Variants in MYRFL observed in about 807,000 individuals in gnomAD.
MYRFL encodes myelin regulatory factor-like protein.
Under a neutral mutation model 109.4 loss-of-function variants are expected in MYRFL, and 88 were observed. That is an observed-to-expected ratio of 0.80 (90% CI 0.68 to 0.96). The LOEUF is 0.96. Ranked by LOEUF, MYRFL falls within the 40% of genes least tolerant of loss-of-function variation. The pLI is 0.00. For missense variants in MYRFL, 957 were observed against 954.9 expected (o/e 1.00, Z -0.03); for synonymous variants, 324 against 320.9 (o/e 1.01, Z -0.10).
At chr12:69,951,723 T>A (rs537592887) in intron 19 of MYRFL, among the ~76,000 whole-genome samples, 1 of 152,216 alleles carries the variant, frequency 6.6e-6, no homozygotes, top group Non-Finnish European at 1.5e-5. Flanking sequence ...CCACCATGCC[T>A]GGCTCCTAAT....
chr12:69,928,832 A>T (rs1455749219), intron 15 of MYRFL, among the ~76,000 whole-genome samples: 1 of 152,240 alleles, frequency 6.6e-6, no homozygotes, highest in African/African-American at 2.4e-5. Context: ...AATGTAGGAA[A>T]GGTACCCTTT....
At chr12:69,859,145 CG>C (rs1884484186) in intron 2 of MYRFL, among the ~76,000 whole-genome samples, 1 of 151,896 alleles carries the variant, frequency 6.6e-6, no homozygotes, top group South Asian at 2.1e-4. Context: ...AACTTCCAAA[CG>C]TTTGGAAATT....
chr12:69,872,354 C>T (rs1257167071), intron 2 of MYRFL, among the ~76,000 whole-genome samples: 31 of 152,270 alleles, frequency 2.0e-4, no homozygotes, highest in Non-Finnish European at 4.4e-5. Flanking sequence ...GACAGGGTCT[C>T]ACTTTGTCAC....
intron 2 of MYRFL, among the ~76,000 whole-genome samples, chr12:69,855,938 C>CT (rs1884253866): frequency 6.6e-6 from 1 of 151,846 alleles, no homozygotes; most frequent in Non-Finnish European, 1.5e-5. Context: ...GCACTCTGGC[C>CT]TTTTTTATTT....
At chr12:69,878,164 AC>A (rs1565989498) in intron 2 of MYRFL, among the ~76,000 whole-genome samples, 1 of 146,362 alleles carries the variant, frequency 6.8e-6, no homozygotes, top group African/African-American at 2.6e-5. Context: ...AATCACTTGA[AC>A]CTGGGAGGTG....
chr12:69,852,009 T>C (rs1169136387), intron 1 of MYRFL, among the ~76,000 whole-genome samples: 3 of 152,246 alleles, frequency 2.0e-5, no homozygotes, highest in Non-Finnish European at 2.9e-5. Context: ...GCCTTAGCTA[T>C]TGTATGACTT....
intron 19 of MYRFL, among the ~76,000 whole-genome samples, chr12:69,949,778 T>C (rs150999179): frequency 4.7e-4 from 72 of 152,294 alleles, no homozygotes; most frequent in Non-Finnish European, 9.0e-4. Flanking sequence ...CCTTAGACTT[T>C]AAGCTCAATT....
chr12:69,925,339 T>C (rs986485060), intron 13 of MYRFL, among the ~76,000 whole-genome samples: 15 of 152,206 alleles, frequency 9.9e-5, no homozygotes, highest in African/African-American at 3.6e-4. Flanking sequence ...CTGCGTACAC[T>C]AAGCCTTGAA....
rs1240262 is a variant in MYRFL, at chr12:69,841,425, A to T, written c.47-13855A>T. Among the ~76,000 whole-genome samples, 638 of 152,302 alleles carry T rather than the reference A, an allele frequency of 4.2e-3. 5 individuals are homozygous for T. Among genetic ancestry groups the T allele is most frequent in the Non-Finnish European group, 4.8e-3 (324 of 68,024 alleles). On this transcript the variant is annotated intron_variant, in intron 1 of 24. Transcript: ENST00000552032. ...CAACTCTCTAGTTTTAGGGGAAGGGAAAGTTGGGAAGCAGCCCTGATTTGT... is the reference window on the plus strand; with the variant it reads ...CAACTCTCTAGTTTTAGGGGAAGGGTAAGTTGGGAAGCAGCCCTGATTTGT...
At chr12:69,843,543 G>C (rs1883362347) in intron 1 of MYRFL, among the ~76,000 whole-genome samples, 1 of 152,196 alleles carries the variant, frequency 6.6e-6, no homozygotes, top group South Asian at 2.1e-4. Flanking sequence ...AGAAGGCAGG[G>C]AGTCCTGAAA....
chr12:69,883,310 C>T (rs1886244048), intron 5 of MYRFL, among the ~76,000 whole-genome samples: 1 of 152,164 alleles, frequency 6.6e-6, no homozygotes, highest in African/African-American at 2.4e-5. Context: ...TAAAGCATGT[C>T]CTGCAACCCA....
chr12:69,884,334 G>A (rs1886317801), intron 5 of MYRFL, among the ~76,000 whole-genome samples: 1 of 152,184 alleles, frequency 6.6e-6, no homozygotes, highest in African/African-American at 2.4e-5. Flanking sequence ...GTTTCAGTGT[G>A]GGCCTGTAAT....
At chr12:69,839,254 A>G (rs1352566590) in intron 1 of MYRFL, among the ~76,000 whole-genome samples, 1 of 152,150 alleles carries the variant, frequency 6.6e-6, no homozygotes, top group African/African-American at 2.4e-5. Flanking sequence ...TATCAGATGA[A>G]TTGTAATTCA....
intron 2 of MYRFL, among the ~76,000 whole-genome samples, chr12:69,858,285 T>G (rs1304072234): frequency 2.6e-5 from 4 of 151,932 alleles, no homozygotes; most frequent in African/African-American, 9.7e-5. Context: ...GCATCTATGT[T>G]TATGAGAATA....
chr12:69,948,083 GA>G, intron 19 of MYRFL, among the ~76,000 whole-genome samples: 1 of 152,188 alleles, frequency 6.6e-6, no homozygotes, highest in Admixed American at 6.5e-5. Flanking sequence ...AATATCACTG[GA>G]AGGCATTTGT....
At chr12:69,897,351 T>G (rs1954030323) in intron 10 of MYRFL, 105 bp downstream of exon 10, 2 of 824,918 alleles carry the variant, frequency 2.4e-6, no homozygotes, top group Admixed American at 2.1e-5. Context: ...TCGATGATAA[T>G]GATAGTAATG....
intron 2 of MYRFL, among the ~76,000 whole-genome samples, chr12:69,871,234 T>TC (rs2136328964): frequency 7.6e-6 from 1 of 131,820 alleles, no homozygotes; most frequent in East Asian, 2.0e-4. Context: ...GATATTTCTT[T>TC]TTTTTTTTTT....
At chr12:69,859,277 G>A (rs1884491275) in intron 2 of MYRFL, among the ~76,000 whole-genome samples, 1 of 152,086 alleles carries the variant, frequency 6.6e-6, no homozygotes, top group Non-Finnish European at 1.5e-5. Flanking sequence ...ATCTATCTTG[G>A]TGAATGTTAC....
At chr12:69,944,834 C>T (rs112120804) in intron 19 of MYRFL, among the ~76,000 whole-genome samples, 5,327 of 152,156 alleles carry the variant, frequency 0.035, 317 homozygotes, top group African/African-American at 0.12. Flanking sequence ...CTATGTAACA[C>T]ACCTGCACGT....
Sources: allele counts gnomAD v4.1 joint callset (sites outside exome capture counted in the v4.1 genomes callset), GRCh38; gene constraint gnomAD v4.1.1; transcripts MANE v1.5; gene names NCBI Gene and HGNC (gene_info 2026-07-23, HGNC 2026-07-21).